ABCC4: variants seen among roughly 807,000 people sequenced by gnomAD.
ABCC4 encodes the protein ATP binding cassette subfamily C member 4 (PEL blood group), also known as ATP-binding cassette sub-family C member 4.
A neutral mutation model predicts 168.5 loss-of-function variants in ABCC4; 102 were observed. The observed-to-expected ratio is 0.61, with a 90% confidence interval of 0.52 to 0.71. The LOEUF is 0.71. ABCC4 is among the 30% of genes least tolerant of loss of function. The pLI, the probability that ABCC4 is intolerant of heterozygous loss-of-function variation, is 0.00. For synonymous variants in ABCC4, 617 were observed against 590.7 expected, an observed-to-expected ratio of 1.04 and a Z score of -0.65; for missense variants, 1,402 against 1,605.8, an observed-to-expected ratio of 0.87 and a Z score of 2.17.
intron 19 of ABCC4, among the ~76,000 whole-genome samples, chr13:95,126,932 C>A (rs996455995): frequency 2.0e-5 from 3 of 147,726 alleles, no homozygotes; most frequent in African/African-American, 7.5e-5. Flanking sequence ...GGAAATTTAA[C>A]CATTGAATTT....
At chr13:95,169,107 T>A (rs937631889) in intron 14 of ABCC4, among the ~76,000 whole-genome samples, 1 of 152,052 alleles carries the variant, frequency 6.6e-6, no homozygotes, top group Non-Finnish European at 1.5e-5. Context: ...CCCCAGAAAG[T>A]GGGAGAGGCG....
At chr13:95,101,282 C>G (rs1267184831) in intron 20 of ABCC4, among the ~76,000 whole-genome samples, 1 of 151,916 alleles carries the variant, frequency 6.6e-6, no homozygotes. Flanking sequence ...GCTCAAGTAG[C>G]CTCAGGACTA....
intron 14 of ABCC4, among the ~76,000 whole-genome samples, chr13:95,167,205 A>C (rs141036694): frequency 0.1 from 15,098 of 151,256 alleles, 1,382 homozygotes; most frequent in East Asian, 0.25. Flanking sequence ...TAAATAAATA[A>C]ATAAATAAAT....
At chr13:95,037,872 G>T (rs1032858684) in intron 29 of ABCC4, among the ~76,000 whole-genome samples, 42 of 152,118 alleles carry the variant, frequency 2.8e-4, no homozygotes, top group Middle Eastern at 3.4e-3. Flanking sequence ...CAAATTTTTT[G>T]TTGTTGTTGT....
At chr13:95,267,933 T>A (rs1026125444) in intron 1 of ABCC4, among the ~76,000 whole-genome samples, 12 of 152,174 alleles carry the variant, frequency 7.9e-5, no homozygotes, top group Non-Finnish European at 1.0e-4. Flanking sequence ...CGTGCCGATG[T>A]AATGAAGCTC....
At chr13:95,085,355 G>A (rs1230891976) in intron 20 of ABCC4, among the ~76,000 whole-genome samples, 1 of 152,088 alleles carries the variant, frequency 6.6e-6, no homozygotes, top group Admixed American at 6.6e-5. Flanking sequence ...GAGGACAACT[G>A]CCTGAACCTG....
At chr13:95,071,597 G>A in intron 25 of ABCC4, 65 bp downstream of exon 25, 2 of 1,323,916 alleles carry the variant, frequency 1.5e-6, no homozygotes, top group Non-Finnish European at 2.0e-6. Flanking sequence ...CCACAAGGAA[G>A]ACAACAAGCA....
At chr13:95,098,474 T>C (rs2034686406) in intron 20 of ABCC4, among the ~76,000 whole-genome samples, 1 of 152,010 alleles carries the variant, frequency 6.6e-6, no homozygotes, top group Admixed American at 6.6e-5. Context: ...AAACAAATTA[T>C]CAGTGTCGGG....
intron 19 of ABCC4, among the ~76,000 whole-genome samples, chr13:95,144,784 T>C (rs902930530): frequency 6.6e-6 from 1 of 152,048 alleles, no homozygotes; most frequent in East Asian, 1.9e-4. Flanking sequence ...GATAGGAATA[T>C]TGTCAAAATG....
chr13:95,192,706 C>T lies in ABCC4; in HGVS notation c.1263+2130G>A, dbSNP rs184090771. Among the ~76,000 whole-genome samples, 39 of 152,204 alleles carry T rather than the reference C, an allele frequency of 2.6e-4. No individual in the cohort carries two copies. In the East Asian group the frequency reaches 6.6e-3, roughly 26 times the overall value. ...GCCAAGGCGGGCAGATCACTTGAGGCCAGAAATTCAAGACCAGCCTGGCCA... is the reference window on the plus strand; with the variant it reads ...GCCAAGGCGGGCAGATCACTTGAGGTCAGAAATTCAAGACCAGCCTGGCCA... On this transcript the variant is annotated intron_variant, in intron 9 of 30. Transcript: ENST00000645237.
intron 19 of ABCC4, among the ~76,000 whole-genome samples, chr13:95,159,660 C>T (rs1181229412): frequency 2.0e-5 from 3 of 152,316 alleles, no homozygotes; most frequent in African/African-American, 4.8e-5. Context: ...AGTGGCGCAA[C>T]GTTACAGCTG....
intron 30 of ABCC4, among the ~76,000 whole-genome samples, chr13:95,022,292 T>C (rs1228988328): frequency 6.6e-6 from 1 of 152,162 alleles, no homozygotes; most frequent in Admixed American, 6.5e-5. Context: ...AAGCAACTTC[T>C]CTAAAATGTA....
intron 3 of ABCC4, among the ~76,000 whole-genome samples, chr13:95,245,738 C>G (rs1409140860): frequency 6.6e-6 from 1 of 152,100 alleles, no homozygotes; most frequent in South Asian, 2.1e-4. Flanking sequence ...CTCCCAGGAC[C>G]GTCCAGTCCC....
At chr13:95,023,643 G>A (rs568557068) in intron 30 of ABCC4, among the ~76,000 whole-genome samples, 1 of 152,332 alleles carries the variant, frequency 6.6e-6, no homozygotes, top group African/African-American at 2.4e-5. Flanking sequence ...ACTACAGGTT[G>A]AAAACCTGCT....
At chr13:95,064,083 G>A (rs2033402200) in intron 25 of ABCC4, among the ~76,000 whole-genome samples, 3 of 151,758 alleles carry the variant, frequency 2.0e-5, no homozygotes, top group Non-Finnish European at 2.9e-5. Context: ...ATTTCCACAA[G>A]GAATTTTATC....
At chr13:95,289,732 T>C (rs2041344116) in intron 1 of ABCC4, among the ~76,000 whole-genome samples, 2 of 152,308 alleles carry the variant, frequency 1.3e-5, no homozygotes, top group South Asian at 4.1e-4. Flanking sequence ...AGAAATATTT[T>C]TGACTTTGGC....
At chr13:95,028,749 T>C (rs2031667602) in intron 30 of ABCC4, among the ~76,000 whole-genome samples, 1 of 151,918 alleles carries the variant, frequency 6.6e-6, no homozygotes, top group Non-Finnish European at 1.5e-5. Context: ...TATAAACTAG[T>C]AAATAAATCT....
chr13:95,100,433 G>A (rs2034756259), intron 20 of ABCC4, among the ~76,000 whole-genome samples: 2 of 152,080 alleles, frequency 1.3e-5, no homozygotes, highest in African/African-American at 4.8e-5. Flanking sequence ...CTTTCTACAT[G>A]TGCTATCACA....
At chr13:95,254,546 C>A (rs1423251412) in intron 1 of ABCC4, among the ~76,000 whole-genome samples, 1 of 152,186 alleles carries the variant, frequency 6.6e-6, no homozygotes, top group Non-Finnish European at 1.5e-5. Context: ...CAGGCTTCTC[C>A]CTCTCAGTTA....
Sources: allele counts gnomAD v4.1 joint callset (sites outside exome capture counted in the v4.1 genomes callset), GRCh38; gene constraint gnomAD v4.1.1; transcripts MANE v1.5; gene names NCBI Gene and HGNC (gene_info 2026-07-23, HGNC 2026-07-21).